The following GDF5 variants were observed in gnomAD, a reference collection of about 807,000 sequenced individuals.
GDF5 encodes growth/differentiation factor 5.
Under a neutral mutation model 34.6 loss-of-function variants are expected in GDF5, and 17 were observed. That is an observed-to-expected ratio of 0.49 (90% CI 0.34 to 0.74). GDF5 has a LOEUF of 0.74. GDF5 is among the 30% of genes least tolerant of loss of function. The pLI, the probability that GDF5 is intolerant of heterozygous loss-of-function variation, is 0.01. For synonymous variants in GDF5, 332 were observed against 290.7 expected (o/e 1.14, Z -1.44); for missense variants, 616 against 661.2 (o/e 0.93, Z 0.75).
chr20:35,436,293 C>A (rs1034635263), intron 1 of GDF5, among the ~76,000 whole-genome samples: 1 of 152,110 alleles, frequency 6.6e-6, no homozygotes, highest in African/African-American at 2.4e-5. Context: ...CCACCTCCCC[C>A]ACCTCAGCCA....
chr20:35,442,697 A>G (rs1010206359), upstream of GDF5, among the ~76,000 whole-genome samples: 12 of 150,982 alleles, frequency 7.9e-5, no homozygotes, highest in South Asian at 1.3e-3. Context: ...GATGCGCACC[A>G]AGACGCCCGG....
intron 1 of GDF5, chr20:35,453,868 G>C (rs1467681483): frequency 9.4e-6 from 5 of 531,916 alleles, no homozygotes; most frequent in Admixed American, 5.9e-5. Flanking sequence ...TTTTGTACCA[G>C]GCCTTGTGCT....
intron 1 of GDF5, among the ~76,000 whole-genome samples, 153 bp downstream of exon 1, chr20:35,437,145 T>C (rs1187317861): frequency 5.9e-5 from 9 of 152,162 alleles, no homozygotes; most frequent in Non-Finnish European, 7.3e-5. Context: ...GGATCTGCTA[T>C]GTGTGAGATA....
chr20:35,440,020 G>A (rs964116508), upstream of GDF5, among the ~76,000 whole-genome samples: 31 of 138,778 alleles, frequency 2.2e-4, no homozygotes, highest in African/African-American at 7.7e-4. Flanking sequence ...GGGTTCAAAC[G>A]ATTCTCCTGC....
intron 1 of GDF5, among the ~76,000 whole-genome samples, chr20:35,435,970 A>G (rs1343143405): frequency 6.6e-6 from 1 of 152,032 alleles, no homozygotes; most frequent in Non-Finnish European, 1.5e-5. Context: ...GCATGTGTGT[A>G]CGTGTGTGAT....
chr20:35,438,358 T>TCTCACACACACACACA, upstream of GDF5: 1 of 159,834 alleles, frequency 6.3e-6, no homozygotes, highest in East Asian at 1.7e-4. Flanking sequence ...TGAAAATACT[T>TCTCACACACACACACA]CACACACACA....
intron 1 of GDF5, among the ~76,000 whole-genome samples, chr20:35,452,978 G>T (rs992595414): frequency 6.6e-6 from 1 of 152,044 alleles, no homozygotes; most frequent in Non-Finnish European, 1.5e-5. Context: ...GGCCGGGTGC[G>T]GTGGCGCATG....
chr20:35,454,110 A>T (rs1186859432), intron 1 of GDF5: 1 of 445,622 alleles, frequency 2.2e-6, no homozygotes, highest in South Asian at 1.6e-5. Flanking sequence ...ACTGAGTGCA[A>T]GAGTGAGGCA....
Position 35,434,451 on chromosome 20 carries a change from C to T in GDF5, c.964G>A (p.Val322Met), listed in dbSNP as rs1327487464. ...TCGAAGCCCAGGCCACGGAGGTCCA[C>T]GGCCCTGCCCCGTTCCCAGGCCTCC... ...ELEAWERGRA[V>M]DLRGLGFDRA... Residue 322 changes from valine to methionine, a missense_variant, in exon 2 of 2, where the codon GTG becomes ATG. By Grantham distance (21) the Val-to-Met change is conservative. Transcript: ENST00000374369. 3.1e-6 allele frequency: 5 copies of T among 1,612,970 alleles called. No individual in the cohort carries two copies. The highest frequency in any genetic ancestry group is 4.5e-5 in the East Asian group (2 of 44,858).
chr20:35,444,459 TGAGGTAAG>T (rs1410853769), intron 1 of GDF5, among the ~76,000 whole-genome samples: 1 of 151,986 alleles, frequency 6.6e-6, no homozygotes, highest in Non-Finnish European at 1.5e-5. Context: ...TTGGTACATC[TGAGGTAAG>T]GAGGAGCTGG....
rs1449086094 is a variant in GDF5 at position 35,438,183 on chromosome 20, G to T, written c.-255C>A. Reference sequence around the variant, plus strand: ...TCCAGTCAGCAGCTGAAAATAACTCGTTCTTGAAAGGAGAAAGCCGACCGC... The same window carrying T: ...TCCAGTCAGCAGCTGAAAATAACTCTTTCTTGAAAGGAGAAAGCCGACCGC... On this transcript the variant is annotated 5_prime_UTR_variant, in exon 1 of 2. Coordinates refer to ENST00000374369, the MANE Select transcript of GDF5 (RefSeq NM_000557.5). 5.4e-6 allele frequency: 3 copies of T among 554,702 alleles called. No individual in the cohort carries two copies. Among genetic ancestry groups the T allele is most frequent in the Non-Finnish European group, 6.5e-6 (2 of 309,350 alleles). 34.4% of individuals were successfully genotyped at this position (554,702 alleles called of 1,614,324 possible). A position where few individuals can be genotyped will look rare whatever the true frequency, so the allele number is the denominator to read the frequency against.
rs1265470664 is a variant in GDF5, at chr20:35,434,417, G to C, written c.998C>G (p.Ala333Gly). 2 of 1,613,594 alleles carry C rather than the reference G, an allele frequency of 1.2e-6. No individual in the cohort carries two copies. Among genetic ancestry groups the C allele is most frequent in the South Asian group, 1.1e-5 (1 of 91,086 alleles). ...CAGGGCTTTCTCGTGGACCTGCCGG[G>C]CGGCGCGGTCGAAGCCCAGGCCACG... The part of the protein sequence containing the change: ...DLRGLGFDRA[A>G]RQVHEKALFL... Residue 333 changes from alanine to glycine, a missense_variant, in exon 2 of 2, where the codon GCC becomes GGC. Physicochemically the swap from Ala to Gly is moderately conservative, Grantham distance 60. Transcript: ENST00000374369.
chr20:35,439,645 G>A (rs1199604181), upstream of GDF5, among the ~76,000 whole-genome samples: 1 of 152,030 alleles, frequency 6.6e-6, no homozygotes, highest in African/African-American at 2.4e-5. Context: ...GGGAACCTTC[G>A]CCGTAGAGCC....
intron 1 of GDF5, among the ~76,000 whole-genome samples, chr20:35,450,808 C>T (rs1003282537): frequency 2.0e-5 from 3 of 151,736 alleles, no homozygotes; most frequent in Admixed American, 1.3e-4. Flanking sequence ...ATCCTGGTCA[C>T]GATACTCCCT....
At chr20:35,444,526 C>G (rs1212592568) in intron 1 of GDF5, among the ~76,000 whole-genome samples, 1 of 152,110 alleles carries the variant, frequency 6.6e-6, no homozygotes, top group African/African-American at 2.4e-5. Flanking sequence ...GAGGTGAGGT[C>G]AGATCATGCC....
upstream of GDF5, among the ~76,000 whole-genome samples, chr20:35,438,948 C>T (rs1198777397): frequency 6.6e-6 from 1 of 151,344 alleles, no homozygotes; most frequent in Non-Finnish European, 1.5e-5. Flanking sequence ...GCAGCATTTA[C>T]CCACATTTTC....
chr20:35,441,272 G>C (rs1289650233), upstream of GDF5: 1 of 152,164 alleles, frequency 6.6e-6, no homozygotes, highest in Non-Finnish European at 1.5e-5. Context: ...AGTAAATTGC[G>C]GCCAGGCGCA....
chr20:35,451,054 A>ATATATATATATATATATATATATATATAT (rs2062530183), intron 1 of GDF5, among the ~76,000 whole-genome samples: 1 of 49,192 alleles, frequency 2.0e-5, no homozygotes, highest in Non-Finnish European at 3.6e-5. Context: ...AAAAAAAAAA[A>ATATATATATATATATATATATATATATAT]AAAAAAAAAA....
At chr20:35,451,064 A>AATATATATATAT (rs1555824832) in intron 1 of GDF5, among the ~76,000 whole-genome samples, 1 of 69,136 alleles carries the variant, frequency 1.4e-5, no homozygotes, top group Non-Finnish European at 2.8e-5. Context: ...AAAAAAAAAA[A>AATATATATATAT]ATATATATAT....
Sources: gnomAD v4.1 joint callset for allele counts (sites outside exome capture counted in the v4.1 genomes callset) on GRCh38, gnomAD v4.1.1 for gene constraint, MANE v1.5 for transcripts, NCBI Gene and HGNC (gene_info 2026-07-23, HGNC 2026-07-21) for gene names.